The following SLCO5A1 variants were observed in gnomAD, a reference collection of about 807,000 sequenced individuals.
The protein encoded by SLCO5A1 is solute carrier organic anion transporter family member 5A1.
In SLCO5A1, 39 loss-of-function variants were observed where a neutral mutation model predicts 65.1. The observed-to-expected ratio is 0.60, with a 90% CI of 0.46 to 0.78. The LOEUF is 0.78. Among genes scored for constraint, SLCO5A1 ranks in the 30% least tolerant of loss-of-function variants. The pLI, the probability that SLCO5A1 is intolerant of heterozygous loss-of-function variation, is 0.00. For synonymous variants in SLCO5A1, 438 were observed against 415.7 expected (o/e 1.05, Z -0.65); for missense variants, 1,029 against 1,069.4 (o/e 0.96, Z 0.53).
chr8:69,809,994 G>A (rs1213483074), intron 2 of SLCO5A1, among the ~76,000 whole-genome samples: 1 of 152,174 alleles, frequency 6.6e-6, no homozygotes, highest in Non-Finnish European at 1.5e-5. Flanking sequence ...CTAACCCAGT[G>A]AGTTCTCCAG....
intron 2 of SLCO5A1, among the ~76,000 whole-genome samples, chr8:69,798,626 T>A (rs1021960926): frequency 1.3e-5 from 2 of 152,148 alleles, no homozygotes; most frequent in Non-Finnish European, 2.9e-5. Context: ...CCCCATGATT[T>A]AATCACCTCC....
chr8:69,800,011 T>C (rs1193934437), intron 2 of SLCO5A1, among the ~76,000 whole-genome samples: 2 of 152,336 alleles, frequency 1.3e-5, no homozygotes, highest in South Asian at 2.1e-4. Context: ...TTTTGGTAAA[T>C]GGTATTTTTT....
intron 2 of SLCO5A1, among the ~76,000 whole-genome samples, chr8:69,786,368 AC>A (rs1819040845): frequency 6.6e-6 from 1 of 152,226 alleles, no homozygotes; most frequent in Non-Finnish European, 1.5e-5. Flanking sequence ...TCAATTTTTA[AC>A]TACTTTCAGG....
intron 6 of SLCO5A1, among the ~76,000 whole-genome samples, chr8:69,690,310 T>C (rs968645812): frequency 3.9e-5 from 6 of 152,218 alleles, no homozygotes; most frequent in African/African-American, 1.2e-4. Context: ...CTGTGCTTCA[T>C]TGAATTTCTT....
At chr8:69,686,703 T>A (rs1453905774) in intron 6 of SLCO5A1, among the ~76,000 whole-genome samples, 1 of 152,188 alleles carries the variant, frequency 6.6e-6, no homozygotes, top group African/African-American at 2.4e-5. Flanking sequence ...ACAGTGTGCA[T>A]CTGTAAGCCC....
intron 2 of SLCO5A1, among the ~76,000 whole-genome samples, chr8:69,784,811 A>AAAAGAGAAAG (rs1818942760): frequency 1.4e-5 from 1 of 70,930 alleles, no homozygotes; most frequent in Non-Finnish European, 2.5e-5. Flanking sequence ...GAAAGAAAGA[A>AAAAGAGAAAG]AAAGAAAGAA....
intron 3 of SLCO5A1, chr8:69,761,428 C>A (rs767714094): frequency 3.6e-6 from 1 of 276,238 alleles, no homozygotes; most frequent in Non-Finnish European, 6.7e-6. Flanking sequence ...ATCGAATCTC[C>A]TTCTTTGATT....
At chr8:69,777,274 T>C (rs545293526) in intron 2 of SLCO5A1, among the ~76,000 whole-genome samples, 12 of 152,270 alleles carry the variant, frequency 7.9e-5, no homozygotes, top group South Asian at 4.1e-4. Flanking sequence ...ATAATAATTA[T>C]GTTGAGTGAA....
intron 4 of SLCO5A1, among the ~76,000 whole-genome samples, chr8:69,752,009 T>A (rs1351970687): frequency 6.6e-6 from 1 of 152,136 alleles, no homozygotes; most frequent in African/African-American, 2.4e-5. Context: ...GGCAGGCAGA[T>A]CCCTTGGGTC....
intron 5 of SLCO5A1, among the ~76,000 whole-genome samples, chr8:69,714,051 G>A (rs1179613985): frequency 1.3e-5 from 2 of 152,176 alleles, no homozygotes; most frequent in Non-Finnish European, 2.9e-5. Flanking sequence ...GAGACAGCGC[G>A]ATAAGTATAC....
At chr8:69,787,840 T>G (rs1269187038) in intron 2 of SLCO5A1, among the ~76,000 whole-genome samples, 1 of 152,172 alleles carries the variant, frequency 6.6e-6, no homozygotes, top group Non-Finnish European at 1.5e-5. Flanking sequence ...CATGATCTCC[T>G]TAATCTCCCC....
chr8:69,812,247 A>G (rs191221170), intron 2 of SLCO5A1, among the ~76,000 whole-genome samples: 28 of 152,138 alleles, frequency 1.8e-4, no homozygotes, highest in African/African-American at 5.8e-4. Flanking sequence ...CGGTATAGCA[A>G]CTCCCCTCTC....
chr8:69,686,190 AT>A (rs1238865609), intron 6 of SLCO5A1, among the ~76,000 whole-genome samples: 2 of 148,206 alleles, frequency 1.3e-5, no homozygotes, highest in Non-Finnish European at 3.0e-5. Context: ...CATACATACT[AT>A]GCTCATGCCA....
intron 6 of SLCO5A1, among the ~76,000 whole-genome samples, chr8:69,683,232 T>C (rs1191087502): frequency 3.3e-5 from 5 of 152,196 alleles, no homozygotes; most frequent in Admixed American, 1.3e-4. Context: ...TCGTACCCCA[T>C]GACCGCTTTT....
chr8:69,788,592 A>G (rs1382315733), intron 2 of SLCO5A1, among the ~76,000 whole-genome samples: 1 of 152,154 alleles, frequency 6.6e-6, no homozygotes, highest in Non-Finnish European at 1.5e-5. Flanking sequence ...ACATCATAGT[A>G]TATGAGGCTA....
intron 5 of SLCO5A1, among the ~76,000 whole-genome samples, chr8:69,718,620 A>G (rs1229475724): frequency 6.6e-6 from 1 of 152,208 alleles, no homozygotes; most frequent in East Asian, 1.9e-4. Context: ...TGGGTTATTG[A>G]CAAACATGTT....
At chr8:69,793,284 A>T (rs1053041931) in intron 2 of SLCO5A1, among the ~76,000 whole-genome samples, 1 of 152,158 alleles carries the variant, frequency 6.6e-6, no homozygotes, top group Admixed American at 6.5e-5. Context: ...GTGCTCAGCC[A>T]ATAAACTGTT....
At chr8:69,833,768 C>CA in intron 1 of SLCO5A1, 1 of 152,374 alleles carries the variant, frequency 6.6e-6, no homozygotes, top group Middle Eastern at 3.4e-3. Context: ...GCAAAAAGGT[C>CA]AACATGCTTG....
intron 2 of SLCO5A1, among the ~76,000 whole-genome samples, chr8:69,816,794 C>G (rs1820429327): frequency 6.6e-6 from 1 of 152,208 alleles, no homozygotes; most frequent in African/African-American, 2.4e-5. Flanking sequence ...GAAATTCCCA[C>G]ACACCTGAGA....
Sources: gnomAD v4.1 joint callset for allele counts (sites outside exome capture counted in the v4.1 genomes callset) on GRCh38, gnomAD v4.1.1 for gene constraint, MANE v1.5 for transcripts, NCBI Gene and HGNC (gene_info 2026-07-23, HGNC 2026-07-21) for gene names.